Variants in PLEKHM3 observed in about 807,000 individuals in gnomAD.
The protein encoded by PLEKHM3 is pleckstrin homology domain-containing family M member 3.
Under a neutral mutation model 81.8 loss-of-function variants are expected in PLEKHM3, and 45 were observed. That is an observed-to-expected ratio of 0.55 (90% confidence interval 0.43 to 0.71). The LOEUF (loss-of-function observed/expected upper bound fraction) is 0.71, where lower values mean the gene tolerates loss of function less well. PLEKHM3 is among the 30% of genes least tolerant of loss of function. PLEKHM3 has a pLI of 0.00. For synonymous variants in PLEKHM3, 352 were observed against 356.4 expected (o/e 0.99, Z 0.14); for missense variants, 788 against 924.3 (o/e 0.85, Z 1.91).
At chr2:207,883,046 C>T (rs898595322) in intron 6 of PLEKHM3, among the ~76,000 whole-genome samples, 2 of 152,130 alleles carry the variant, frequency 1.3e-5, no homozygotes, top group Non-Finnish European at 2.9e-5. Context: ...CCGCGCCTGG[C>T]TGAACTACAC....
chr2:207,913,923 G>A (rs961407410), intron 5 of PLEKHM3, among the ~76,000 whole-genome samples: 10 of 113,788 alleles, frequency 8.8e-5, no homozygotes, highest in African/African-American at 1.4e-4. Context: ...GTGTATGTGC[G>A]TGCATGAAAA....
chr2:207,939,158 A>G (rs1289984332), intron 4 of PLEKHM3, among the ~76,000 whole-genome samples: 1 of 152,176 alleles, frequency 6.6e-6, no homozygotes, highest in Non-Finnish European at 1.5e-5. Flanking sequence ...TTAATCCAAA[A>G]CTTCTAAACC....
rs532417851 is a variant in PLEKHM3, at chr2:207,873,368, C to T, written c.1951-12106G>A. ...CTTAACTTCTCCATGCCTCAGTTTCCTCATCTACAAAATAAAGTGATTCTA... is the reference window on the plus strand; with the variant it reads ...CTTAACTTCTCCATGCCTCAGTTTCTTCATCTACAAAATAAAGTGATTCTA... On this transcript the variant is annotated intron_variant, in intron 6 of 7. Coordinates refer to ENST00000427836, the MANE Select transcript of PLEKHM3 (RefSeq NM_001080475.3). Among the ~76,000 whole-genome samples, 10 of 152,276 alleles carry T rather than the reference C, an allele frequency of 6.6e-5. No individual in the cohort carries two copies. The East Asian group carries it at 1.7e-3, about 26-fold the overall frequency.
At chr2:207,907,060 T>C (rs1001117913) in intron 6 of PLEKHM3, among the ~76,000 whole-genome samples, 1 of 152,180 alleles carries the variant, frequency 6.6e-6, no homozygotes, top group Non-Finnish European at 1.5e-5. Flanking sequence ...TAATGAACTC[T>C]TGAAAGAATC....
intron 3 of PLEKHM3, among the ~76,000 whole-genome samples, chr2:207,970,460 A>G (rs923889244): frequency 2.0e-5 from 3 of 152,152 alleles, no homozygotes; most frequent in African/African-American, 7.2e-5. Flanking sequence ...TTGTATTACT[A>G]TTTAATCACT....
intron 3 of PLEKHM3, among the ~76,000 whole-genome samples, chr2:207,970,322 C>A (rs1048476112): frequency 1.3e-5 from 2 of 151,412 alleles, no homozygotes; most frequent in African/African-American, 4.9e-5. Context: ...GAGGAAAATG[C>A]CCCCCCACCC....
intron 5 of PLEKHM3, among the ~76,000 whole-genome samples, chr2:207,920,162 G>A (rs1346166094): frequency 6.6e-6 from 1 of 152,110 alleles, no homozygotes; most frequent in East Asian, 1.9e-4. Context: ...AATCACTTTG[G>A]GTATTCTCTT....
At chr2:207,870,108 T>C (rs2092524808) in intron 6 of PLEKHM3, among the ~76,000 whole-genome samples, 1 of 152,234 alleles carries the variant, frequency 6.6e-6, no homozygotes, top group Non-Finnish European at 1.5e-5. Context: ...GTTCAAGGTC[T>C]GCAGCCAATA....
At chr2:207,925,750 T>C (rs1294448901) in intron 5 of PLEKHM3, among the ~76,000 whole-genome samples, 4 of 152,080 alleles carry the variant, frequency 2.6e-5, no homozygotes, top group Non-Finnish European at 4.4e-5. Context: ...GGTCCCTCCC[T>C]CAAATCACTG....
chr2:207,845,349 G>A (rs1359158181), intron 7 of PLEKHM3, among the ~76,000 whole-genome samples: 1 of 152,144 alleles, frequency 6.6e-6, no homozygotes, highest in African/African-American at 2.4e-5. Context: ...AGAACATACT[G>A]CTCAGTCTGA....
chr2:207,952,478 T>C (rs12993052), intron 3 of PLEKHM3, among the ~76,000 whole-genome samples: 31,181 of 152,168 alleles, frequency 0.2, 3,806 homozygotes, highest in Middle Eastern at 0.34. Context: ...GGGGTTAAAG[T>C]CATAAATAAC....
intron 1 of PLEKHM3, among the ~76,000 whole-genome samples, chr2:208,011,064 C>CAAAAAAAAAAAAAAAAAAAA (rs10587149): frequency 6.1e-5 from 4 of 65,052 alleles, no homozygotes; most frequent in Non-Finnish European, 7.9e-5. Context: ...TGGCCATAAT[C>CAAAAAAAAAAAAAAAAAAAA]AAAAAAAAAA....
intron 6 of PLEKHM3, among the ~76,000 whole-genome samples, chr2:207,898,767 G>T (rs564015008): frequency 6.6e-6 from 1 of 151,966 alleles, no homozygotes; most frequent in East Asian, 1.9e-4. Flanking sequence ...GTGGTGGCGC[G>T]TGCCTATGGT....
intron 3 of PLEKHM3, among the ~76,000 whole-genome samples, chr2:207,961,527 T>C (rs1260555392): frequency 5.3e-5 from 8 of 152,172 alleles, no homozygotes; most frequent in African/African-American, 1.4e-4. Context: ...AGTACGACAT[T>C]TTTTTTCAGT....
chr2:207,856,980 G>T (rs2092440452), intron 7 of PLEKHM3, among the ~76,000 whole-genome samples: 1 of 151,722 alleles, frequency 6.6e-6, no homozygotes. Context: ...GGTCTCTTTT[G>T]GTAACTGTTC....
chr2:207,860,151 C>CCGTGTGTGTG (rs2092459188), intron 7 of PLEKHM3, among the ~76,000 whole-genome samples: 3 of 110,704 alleles, frequency 2.7e-5, no homozygotes, highest in Non-Finnish European at 5.4e-5. Context: ...AACTCTGCCT[C>CCGTGTGTGTG]TGTGTGTGTG....
chr2:207,950,110 C>A (rs1326497008), intron 3 of PLEKHM3, among the ~76,000 whole-genome samples: 2 of 152,148 alleles, frequency 1.3e-5, no homozygotes, highest in African/African-American at 4.8e-5. Flanking sequence ...TGGATAGGGT[C>A]CATTCAGGTT....
intron 3 of PLEKHM3, among the ~76,000 whole-genome samples, chr2:207,975,019 G>A (rs1029492332): frequency 1.3e-5 from 2 of 151,870 alleles, no homozygotes; most frequent in Admixed American, 1.3e-4. Flanking sequence ...TAGTAGAGAC[G>A]GGGTTTCACC....
At chr2:207,932,986 T>C (rs1273806233) in intron 4 of PLEKHM3, among the ~76,000 whole-genome samples, 1 of 152,320 alleles carries the variant, frequency 6.6e-6, no homozygotes, top group Non-Finnish European at 1.5e-5. Context: ...ATGTTCTTTA[T>C]AGGAATGCAA....
Sources: allele counts gnomAD v4.1 joint callset (sites outside exome capture counted in the v4.1 genomes callset), GRCh38; gene constraint gnomAD v4.1.1; transcripts MANE v1.5; gene names NCBI Gene and HGNC (gene_info 2026-07-23, HGNC 2026-07-21).